The following TTLL7 variants were observed in gnomAD, a reference collection of about 807,000 sequenced individuals.
TTLL7 encodes the protein tubulin tyrosine ligase like 7, also known as tubulin polyglutamylase TTLL7.
TTLL7 carries 53 observed loss-of-function variants against 120.2 expected under a neutral mutation model. The ratio of observed to expected loss-of-function variants is 0.44; its 90% CI spans 0.35 to 0.55. The LOEUF (loss-of-function observed/expected upper bound fraction) is 0.55, where lower values mean the gene tolerates loss of function less well. Ranked by LOEUF, TTLL7 falls within the 20% of genes least tolerant of loss-of-function variation. The pLI is 0.00. For synonymous variants in TTLL7, 353 were observed against 351.7 expected (o/e 1.00, Z -0.04); for missense variants, 803 against 1,054.7 (o/e 0.76, Z 3.31).
intron 1 of TTLL7, among the ~76,000 whole-genome samples, chr1:83,972,210 T>A (rs1411207463): frequency 1.3e-5 from 2 of 152,048 alleles, no homozygotes; most frequent in South Asian, 2.1e-4. Context: ...CATTACAATA[T>A]CCAAAAGATT....
chr1:83,905,511 C>A (rs1657116400), intron 17 of TTLL7, among the ~76,000 whole-genome samples: 1 of 142,432 alleles, frequency 7.0e-6, no homozygotes, highest in Non-Finnish European at 1.6e-5. Context: ...AGATGGTGCC[C>A]TCTCCTCTGG....
At chr1:83,880,104 T>A (rs567674988) in intron 20 of TTLL7, 1 of 152,004 alleles carries the variant, frequency 6.6e-6, no homozygotes, top group Non-Finnish European at 1.5e-5. Flanking sequence ...TTCATTTATA[T>A]GGTATGATGT....
At chr1:83,907,425 T>A (rs1557606780) in intron 16 of TTLL7, 31 bp downstream of exon 16, 1 of 1,601,182 alleles carries the variant, frequency 6.2e-7, no homozygotes, top group Non-Finnish European at 8.5e-7. Flanking sequence ...GAGCTCCCTG[T>A]AATCTTGAAA....
chr1:83,964,892 T>C (rs1267706405), intron 1 of TTLL7, among the ~76,000 whole-genome samples: 2 of 152,144 alleles, frequency 1.3e-5, no homozygotes, highest in East Asian at 3.9e-4. Flanking sequence ...TTGTGCCTCA[T>C]GGGATTTAAA....
chr1:83,906,468 A>G lies in TTLL7; in HGVS notation c.1993-5T>C, dbSNP rs1657208799. On this transcript the variant is annotated splice_polypyrimidine_tract_variant and splice_region_variant and intron_variant, in intron 16 of 20. Transcript: ENST00000260505. ...CAGTTGCCGCAAAGACTCACTCTTA[A>G]ATTTGAAAGAATACAGATATTTGGA... The G allele has an allele frequency of 6.2e-7, 1 of 1,611,480 alleles. No homozygotes were observed. Among genetic ancestry groups the G allele is most frequent in the Non-Finnish European group, 8.5e-7 (1 of 1,178,534 alleles).
chr1:83,969,940 A>C (rs1039370841), intron 1 of TTLL7, among the ~76,000 whole-genome samples: 5 of 151,982 alleles, frequency 3.3e-5, no homozygotes, highest in Non-Finnish European at 5.9e-5. Context: ...GATTTGCTTT[A>C]ATTTACTAAG....
intron 7 of TTLL7, 71 bp from the exon 8 acceptor site, chr1:83,938,087 A>C: frequency 7.4e-7 from 1 of 1,358,392 alleles, no homozygotes; most frequent in Non-Finnish European, 1.0e-6. Context: ...AGAGGAAAAA[A>C]AGACACTCAA....
intron 20 of TTLL7, 49 bp from the exon 21 acceptor site, chr1:83,870,131 A>C (rs1653217638): frequency 2.7e-6 from 4 of 1,506,568 alleles, no homozygotes; most frequent in African/African-American, 1.4e-5. Context: ...AATTATAACT[A>C]ACTCACTAAA....
chr1:83,893,381 CAAAA>C (rs1411826981), intron 18 of TTLL7, among the ~76,000 whole-genome samples: 1 of 150,606 alleles, frequency 6.6e-6, no homozygotes, highest in Non-Finnish European at 1.5e-5. Context: ...TGTAAAAAAA[CAAAA>C]AGAAAAAAAA....
chr1:83,892,559 CATATGAACATAT>C (rs1469022315), intron 18 of TTLL7, among the ~76,000 whole-genome samples: 2 of 50,976 alleles, frequency 3.9e-5, no homozygotes, highest in East Asian at 7.4e-4. Flanking sequence ...TATATATGAA[CATATGAACATAT>C]ATATGAACAT....
chr1:83,946,746 T>C (rs1648544562), intron 6 of TTLL7, among the ~76,000 whole-genome samples: 1 of 152,212 alleles, frequency 6.6e-6, no homozygotes, highest in Non-Finnish European at 1.5e-5. Flanking sequence ...AATAACTCCC[T>C]TTTCATTTCT....
intron 14 of TTLL7, among the ~76,000 whole-genome samples, chr1:83,916,330 T>C (rs1339395613): frequency 3.9e-5 from 6 of 152,110 alleles, no homozygotes; most frequent in Non-Finnish European, 8.8e-5. Context: ...GATGAGTTCA[T>C]GTCCTTTGTA....
intron 18 of TTLL7, among the ~76,000 whole-genome samples, chr1:83,892,657 A>AATGAACATATAT (rs1557566797): frequency 6.6e-4 from 77 of 117,552 alleles, no homozygotes; most frequent in Admixed American, 1.1e-3. Flanking sequence ...TGAACATATG[A>AATGAACATATAT]ATGAACATAT....
intron 19 of TTLL7, 103 bp downstream of exon 19, chr1:83,890,218 A>G (rs12127526): frequency 0.031 from 36,855 of 1,194,734 alleles, 701 homozygotes; most frequent in African/African-American, 0.068. Context: ...AGTAAAAGAA[A>G]TCCATATTTT....
Position 83,922,744 on chromosome 1 carries a change from A to AT in TTLL7, c.1143-1351dup, listed in dbSNP as rs556393353. Among the ~76,000 whole-genome samples the AT allele has an allele frequency of 4.7e-4, 66 of 140,910 alleles. 1 individual carries two copies. In the South Asian group the frequency reaches 0.013, roughly 28 times the overall value. The allele number at this position is 140,910 out of a possible 152,430, so 92.4% of individuals were successfully genotyped here. The stretch of plus-strand genomic sequence containing the variant: ...CTTTACACAATGAAGGAGAACATAA[A>AT]TTTTTAAAAGAGGGCATAATTATAT... On this transcript the variant is annotated intron_variant, in intron 10 of 20. Transcript: ENST00000260505.
rs1230953267 is a variant in TTLL7, at chr1:83,881,570, G to T, written c.2543+1393C>A. On this transcript the variant is annotated intron_variant, in intron 20 of 20. Coordinates refer to ENST00000260505, the MANE Select transcript of TTLL7 (RefSeq NM_024686.6). ...CTCACACCAGTTAGAATGGCCATCA[G>T]TAAAAAGTCAGGAAATAACAGGTGC... is the stretch of plus-strand genomic sequence containing the variant. 7.5e-3 allele frequency among the ~76,000 whole-genome samples: 1,145 copies of T among 152,124 alleles called. 17 individuals carry two copies. The highest frequency in any genetic ancestry group is 0.026 in the African/African-American group (1,095 of 41,498).
chr1:83,921,060 T>A, intron 12 of TTLL7, 27 bp downstream of exon 12: 1 of 1,582,254 alleles, frequency 6.3e-7, no homozygotes, highest in Non-Finnish European at 8.6e-7. Context: ...ATTTTTTCAA[T>A]CTATACAAAA....
chr1:83,987,790 T>C (rs1486399433), intron 1 of TTLL7, among the ~76,000 whole-genome samples: 1 of 152,188 alleles, frequency 6.6e-6, no homozygotes, highest in African/African-American at 2.4e-5. Context: ...GCAAAACATA[T>C]TATCTGACAA....
At chr1:83,889,941 G>T (rs1330224232) in intron 19 of TTLL7, 2 of 460,114 alleles carry the variant, frequency 4.3e-6, no homozygotes, top group Middle Eastern at 3.2e-4. Flanking sequence ...TGGAATGTTT[G>T]GTTTTAGATA....
Sources: gnomAD v4.1 joint callset for allele counts (sites outside exome capture counted in the v4.1 genomes callset) on GRCh38, gnomAD v4.1.1 for gene constraint, MANE v1.5 for transcripts, NCBI Gene and HGNC (gene_info 2026-07-23, HGNC 2026-07-21) for gene names.